Variants in SEMA5A observed in about 807,000 individuals in gnomAD.
SEMA5A encodes semaphorin 5A.
Under a neutral mutation model 135.5 loss-of-function variants are expected in SEMA5A, and 55 were observed. That is an observed-to-expected ratio of 0.41 (90% CI 0.33 to 0.51). SEMA5A has a LOEUF of 0.51. SEMA5A is among the 20% of genes least tolerant of loss of function. The pLI, the probability that SEMA5A is intolerant of heterozygous loss-of-function variation, is 0.37. For synonymous variants in SEMA5A, 580 were observed against 546.5 expected (o/e 1.06, Z -0.85); for missense variants, 1,290 against 1,419.9 (o/e 0.91, Z 1.47).
chr5:9,299,848 C>T (rs923338604), intron 5 of SEMA5A, among the ~76,000 whole-genome samples: 1 of 152,126 alleles, frequency 6.6e-6, no homozygotes, highest in Non-Finnish European at 1.5e-5. Context: ...CTGATGGGGC[C>T]AGGCCTCAGA....
chr5:9,186,265 T>C (rs899232824), intron 11 of SEMA5A, among the ~76,000 whole-genome samples: 5 of 152,180 alleles, frequency 3.3e-5, no homozygotes, highest in Non-Finnish European at 7.3e-5. Context: ...GGAAGACTGC[T>C]GACTCAGCAT....
At chr5:9,244,533 T>C (rs948127033) in intron 5 of SEMA5A, among the ~76,000 whole-genome samples, 2 of 152,174 alleles carry the variant, frequency 1.3e-5, no homozygotes, top group African/African-American at 4.8e-5. Context: ...TATGTAGCCA[T>C]ATATGTATAT....
chr5:9,068,228 GA>G, intron 16 of SEMA5A, among the ~76,000 whole-genome samples: 1 of 152,162 alleles, frequency 6.6e-6, no homozygotes, highest in Non-Finnish European at 1.5e-5. Context: ...ATTTAGAGTG[GA>G]GGGCTAAAAA....
chr5:9,527,689 T>C (rs1391461025), intron 1 of SEMA5A, among the ~76,000 whole-genome samples: 4 of 152,246 alleles, frequency 2.6e-5, no homozygotes, highest in Non-Finnish European at 4.4e-5. Flanking sequence ...GCAATTTACA[T>C]GCATTAACAA....
At chr5:9,282,005 G>A (rs1351251881) in intron 5 of SEMA5A, among the ~76,000 whole-genome samples, 1 of 151,922 alleles carries the variant, frequency 6.6e-6, no homozygotes, top group Non-Finnish European at 1.5e-5. Context: ...TAGAGACAGG[G>A]TTTTACCATC....
rs565081654 is a variant in SEMA5A, at chr5:9,493,463, G to A, written c.-175+52121C>T. 1.1e-4 allele frequency among the ~76,000 whole-genome samples: 16 copies of A among 151,846 alleles called. 1 individual carries two copies. In the East Asian group the frequency reaches 1.2e-3, roughly 11 times the overall value. The stretch of plus-strand genomic sequence containing the variant: ...GTGAGACTCCTCAAGAATGATGCCC[G>A]GTAAAATTAATTATTAATTATTAAC... On this transcript the variant is annotated intron_variant, in intron 1 of 22. Transcript: ENST00000382496.
chr5:9,377,089 G>A (rs1328865510), intron 3 of SEMA5A, among the ~76,000 whole-genome samples: 3 of 149,648 alleles, frequency 2.0e-5, no homozygotes, highest in African/African-American at 7.4e-5. Context: ...ATCACATAGT[G>A]GAAGCTATGT....
chr5:9,528,464 G>C (rs1737258462), intron 1 of SEMA5A, among the ~76,000 whole-genome samples: 1 of 152,162 alleles, frequency 6.6e-6, no homozygotes, highest in Non-Finnish European at 1.5e-5. Flanking sequence ...AGTGTGCTTT[G>C]CCACTTGCCT....
At chr5:9,342,129 G>GAAAGGGAAA (rs1241193682) in intron 3 of SEMA5A, among the ~76,000 whole-genome samples, 2 of 151,850 alleles carry the variant, frequency 1.3e-5, no homozygotes, top group African/African-American at 4.8e-5. Flanking sequence ...CAAAGAAAAA[G>GAAAGGGAAA]AAAGGGAAAG....
intron 11 of SEMA5A, among the ~76,000 whole-genome samples, chr5:9,165,523 T>C (rs182249435): frequency 7.2e-5 from 11 of 152,268 alleles, no homozygotes; most frequent in Admixed American, 7.2e-4. Flanking sequence ...CCCCTGACAA[T>C]GGTCACTTGT....
rs774331427 is a variant in SEMA5A at position 9,337,763 on chromosome 5, G to A, written c.174C>T (p.Phe58=). Residue 58 remains phenylalanine, a synonymous_variant, in exon 4 of 23, where the codon TTC becomes TTT. Transcript: ENST00000382496. ...REFRAKNAVD[F]SQLTFDPGQK... ...GTCCTGGGTCAAATGTTAACTGCGA[G>A]AAATCCACAGCATTCTTCGCTCTGA... is the stretch of plus-strand genomic sequence containing the variant. The A allele has an allele frequency of 1.2e-6, 2 of 1,611,796 alleles. No individual in the cohort carries two copies. The highest frequency in any genetic ancestry group is 1.7e-5 in the Admixed American group (1 of 59,984).
intron 5 of SEMA5A, among the ~76,000 whole-genome samples, chr5:9,293,385 C>A (rs1751182737): frequency 6.6e-6 from 1 of 151,918 alleles, no homozygotes; most frequent in Admixed American, 6.6e-5. Context: ...AAGAAGCCAT[C>A]TCCTCACCCA....
intron 3 of SEMA5A, among the ~76,000 whole-genome samples, chr5:9,361,584 G>C (rs1754697896): frequency 6.6e-6 from 1 of 152,148 alleles, no homozygotes; most frequent in Non-Finnish European, 1.5e-5. Flanking sequence ...CCTTCTAAGA[G>C]ATTTCCTCAG....
chr5:9,312,895 A>G (rs2060285998), intron 5 of SEMA5A, among the ~76,000 whole-genome samples: 1 of 152,084 alleles, frequency 6.6e-6, no homozygotes, highest in South Asian at 2.1e-4. Context: ...TCATCACTCA[A>G]TTTCAGTATG....
rs188679802 is a variant in SEMA5A, at chr5:9,330,717, A to G, written c.224+6996T>C. Among the ~76,000 whole-genome samples, 353 of 152,304 alleles carry G rather than the reference A, an allele frequency of 2.3e-3. 2 individuals are homozygous for G. Among genetic ancestry groups the G allele is most frequent in the African/African-American group, 7.9e-3 (330 of 41,560 alleles). ...TAAATTAATCAAATAAGCGAATTAG[A>G]AGAAAGGGGAGAACAAGTAGAAGAA... On this transcript the variant is annotated intron_variant, in intron 4 of 22. Coordinates refer to ENST00000382496, the MANE Select transcript of SEMA5A (RefSeq NM_003966.3).
At chr5:9,150,076 C>T (rs796905957) in intron 12 of SEMA5A, among the ~76,000 whole-genome samples, 2 of 152,186 alleles carry the variant, frequency 1.3e-5, no homozygotes, top group South Asian at 2.1e-4. Flanking sequence ...TGGCCTCAAG[C>T]AATCCTCCTG....
intron 5 of SEMA5A, among the ~76,000 whole-genome samples, chr5:9,307,240 C>T (rs1024913248): frequency 6.6e-6 from 1 of 152,148 alleles, no homozygotes; most frequent in African/African-American, 2.4e-5. Flanking sequence ...GCAGATTAAA[C>T]ATTGTGTTCT....
intron 16 of SEMA5A, among the ~76,000 whole-genome samples, chr5:9,103,780 T>C (rs1244993780): frequency 6.6e-6 from 1 of 152,232 alleles, no homozygotes; most frequent in Non-Finnish European, 1.5e-5. Context: ...TAATTCTATG[T>C]ATACAACATA....
intron 8 of SEMA5A, among the ~76,000 whole-genome samples, chr5:9,210,015 C>T (rs1020823689): frequency 6.6e-6 from 1 of 152,152 alleles, no homozygotes; most frequent in African/African-American, 2.4e-5. Flanking sequence ...ATTGTTTTAG[C>T]AGTTCTAGTA....
Sources: gnomAD v4.1 joint callset for allele counts (sites outside exome capture counted in the v4.1 genomes callset) on GRCh38, gnomAD v4.1.1 for gene constraint, MANE v1.5 for transcripts, NCBI Gene and HGNC (gene_info 2026-07-23, HGNC 2026-07-21) for gene names.